LRRC27: variants seen among roughly 807,000 people sequenced by gnomAD.
The protein encoded by LRRC27 is leucine-rich repeat-containing protein 27.
Under a neutral mutation model 55.0 loss-of-function variants are expected in LRRC27, and 57 were observed. The observed-to-expected ratio is 1.04, with a 90% CI of 0.84 to 1.29. LRRC27 has a LOEUF of 1.29. Ranked by LOEUF, LRRC27 falls within the 50% of genes most tolerant of loss-of-function variation. LRRC27 has a pLI of 0.00. For synonymous variants in LRRC27, 278 were observed against 251.9 expected, an observed-to-expected ratio of 1.10 and a Z score of -0.98; for missense variants, 721 against 651.5, an observed-to-expected ratio of 1.11 and a Z score of -1.16.
At chr10:132,344,348 G>A (rs757485739) in intron 4 of LRRC27, 150 bp from the exon 5 acceptor site, 12 of 815,458 alleles carry the variant, frequency 1.5e-5, no homozygotes, top group Non-Finnish European at 2.0e-5. Context: ...TACCTTTAAA[G>A]CAAATCTTTG....
intron 3 of LRRC27, among the ~76,000 whole-genome samples, chr10:132,339,005 C>A (rs1182471212): frequency 6.6e-6 from 1 of 152,192 alleles, no homozygotes; most frequent in Non-Finnish European, 1.5e-5. Flanking sequence ...CCCCCGCGCC[C>A]GGCTACCTGA....
chr10:132,346,398 C>A lies in LRRC27; in HGVS notation c.554-1586C>A, dbSNP rs571569893. Among the ~76,000 whole-genome samples, 18 of 152,314 alleles carry A rather than the reference C, an allele frequency of 1.2e-4. No homozygotes were observed. In the East Asian group the frequency reaches 2.5e-3, roughly 21 times the overall value. ...AATTACTTTAAAAAGTCTTTGCTGG[C>A]GGGCGTGGTGGCTCACGCCTGTGAT... On this transcript the variant is annotated intron_variant, in intron 5 of 10. Transcript: ENST00000368614.
At chr10:132,335,578 G>T (rs973793899) in intron 2 of LRRC27, among the ~76,000 whole-genome samples, 3 of 146,274 alleles carry the variant, frequency 2.1e-5, no homozygotes, top group East Asian at 4.0e-4. Context: ...AGTACTATGG[G>T]GGGGGTCACA....
chr10:132,331,925 C>G, upstream of LRRC27: 1 of 661,066 alleles, frequency 1.5e-6, no homozygotes, highest in South Asian at 2.2e-5. Flanking sequence ...AACCCCCCCA[C>G]CGCAAGCGCA....
chr10:132,370,876 A>G (rs552998928), intron 10 of LRRC27, among the ~76,000 whole-genome samples: 27 of 152,306 alleles, frequency 1.8e-4, no homozygotes, highest in African/African-American at 6.3e-4. Flanking sequence ...TCCTGGTGAG[A>G]CGATCATGCC....
At chr10:132,351,812 T>A in intron 7 of LRRC27, 59 bp downstream of exon 7, 1 of 1,534,298 alleles carries the variant, frequency 6.5e-7, no homozygotes, top group Non-Finnish European at 8.8e-7. Context: ...GAACTGGGAC[T>A]GGGCTGTGAT....
chr10:132,367,275 C>T (rs1371596944), intron 10 of LRRC27, among the ~76,000 whole-genome samples: 1 of 152,192 alleles, frequency 6.6e-6, no homozygotes, highest in Admixed American at 6.5e-5. Flanking sequence ...ACAGAAATCA[C>T]AGGCCCAGAA....
At chr10:132,336,444 G>C (rs975470586) in intron 2 of LRRC27, among the ~76,000 whole-genome samples, 1 of 152,256 alleles carries the variant, frequency 6.6e-6, no homozygotes, top group African/African-American at 2.4e-5. Context: ...TGTTTCCAGT[G>C]CCTTTCTGAA....
chr10:132,348,195 C>G lies in LRRC27; in HGVS notation c.765C>G (p.Ser255Arg). ...CGGACTCCTCAGAGAACTGGCCCAG[C>G]GAGGAGGAGATCAGGCGCTTTTGGA... ...KSADSSENWP[S>R]EEEIRRFWKL... The change falls in exon 6 of 11, where the codon AGC (serine) becomes AGG (arginine). Residue 255 changes from serine to arginine, a missense_variant. Transcript: ENST00000368614. This position sits in a 1 kb window ranked among gnomAD's most constrained non-coding sequence, Gnocchi z 4.2. The G allele has an allele frequency of 6.2e-7, 1 of 1,614,004 alleles. No individual in the cohort carries two copies. Among genetic ancestry groups the G allele is most frequent in the East Asian group, 2.2e-5 (1 of 44,878 alleles).
At chr10:132,360,666 C>T (rs2068572017) in intron 8 of LRRC27, among the ~76,000 whole-genome samples, 2 of 152,196 alleles carry the variant, frequency 1.3e-5, no homozygotes. Flanking sequence ...TAGACAAAGG[C>T]CCCGGCCTGG....
intron 10 of LRRC27, among the ~76,000 whole-genome samples, chr10:132,371,606 T>TATTA (rs2069218641): frequency 2.0e-5 from 3 of 152,158 alleles, no homozygotes; most frequent in Admixed American, 1.3e-4. Context: ...CCTGTAATAA[T>TATTA]AGAGCCCCAC....
At chr10:132,355,957 C>T in intron 8 of LRRC27, 71 bp downstream of exon 8, 1 of 1,079,480 alleles carries the variant, frequency 9.3e-7, no homozygotes. Context: ...ACAGGCATCC[C>T]TGTCCATGGA....
At chr10:132,346,825 A>G (rs1301240545) in intron 5 of LRRC27, among the ~76,000 whole-genome samples, 2 of 152,014 alleles carry the variant, frequency 1.3e-5, no homozygotes, top group African/African-American at 2.4e-5. Context: ...CCCAGGGGGA[A>G]TTTTACAACT....
intron 3 of LRRC27, among the ~76,000 whole-genome samples, chr10:132,340,628 T>G (rs926243615): frequency 6.6e-6 from 1 of 152,190 alleles, no homozygotes; most frequent in African/African-American, 2.4e-5. Flanking sequence ...TCCACTTTTG[T>G]GCAGTTCAAG....
intron 7 of LRRC27, chr10:132,353,115 G>T (rs2068143528): frequency 6.8e-7 from 1 of 1,474,636 alleles, no homozygotes; most frequent in South Asian, 1.3e-5. Flanking sequence ...CAGCACCCCC[G>T]TGCCCCTCAC....
At position 132,348,721 on chromosome 10, in the gene LRRC27, G is replaced by A. The variant is rs2067847741; in HGVS notation, c.926+365G>A. 6.6e-6 allele frequency among the ~76,000 whole-genome samples: 1 copy of A among 152,234 alleles called. No individual in the cohort carries two copies. Among genetic ancestry groups the A allele is most frequent in the African/African-American group, 2.4e-5 (1 of 41,468 alleles). On this transcript the variant is annotated intron_variant, in intron 6 of 10. Transcript: ENST00000368614. The surrounding 1 kb of genome is among the most constrained non-coding windows in gnomAD (Gnocchi z 4.2). ...GGGAAAGGAGGAAAGAACAGTAAAA[G>A]TGGGGGCAGGCAGTGAGCCAAGTGG...
intron 1 of LRRC27, among the ~76,000 whole-genome samples, chr10:132,332,901 G>C (rs777457785): frequency 3.9e-5 from 6 of 152,040 alleles, no homozygotes; most frequent in Non-Finnish European, 8.8e-5. Flanking sequence ...CTCGCTGAAT[G>C]AGATTTTGGT....
At chr10:132,345,363 T>C (rs944077879) in intron 5 of LRRC27, among the ~76,000 whole-genome samples, 4 of 151,610 alleles carry the variant, frequency 2.6e-5, no homozygotes, top group African/African-American at 9.8e-5. Context: ...ATAGATGTGC[T>C]GCAATTGAAA....
chr10:132,377,749 C>T lies in LRRC27; in HGVS notation c.*2507C>T, dbSNP rs2069356443. 1 of 152,158 alleles carries T rather than the reference C, an allele frequency of 6.6e-6. No individual in the cohort carries two copies. Among genetic ancestry groups the T allele is most frequent in the African/African-American group, 2.4e-5 (1 of 41,430 alleles). The allele number at this position is 152,158 out of a possible 1,614,324, so 9.4% of individuals were successfully genotyped here. On this transcript the variant is annotated 3_prime_UTR_variant, in exon 11 of 11. Transcript: ENST00000368614. The stretch of plus-strand genomic sequence containing the variant: ...TGCTTTGACTGGCCGTAAGTTCTCT[C>T]AGCTTTTGTTTGTCTGAAAATAAAT...
Sources: allele counts gnomAD v4.1 joint callset (sites outside exome capture counted in the v4.1 genomes callset), GRCh38; gene constraint gnomAD v4.1.1; non-coding constraint Gnocchi (gnomAD v3.1); transcripts MANE v1.5; gene names NCBI Gene and HGNC (gene_info 2026-07-23, HGNC 2026-07-21).